The following SCARA5 variants were observed in gnomAD, a reference collection of about 807,000 sequenced individuals.
The protein encoded by SCARA5 is scavenger receptor class A member 5, also known as scavenger receptor class A, member 5 (putative).
Under a neutral mutation model 46.3 loss-of-function variants are expected in SCARA5, and 45 were observed. That is an observed-to-expected ratio of 0.97 (90% CI 0.76 to 1.24). The LOEUF (loss-of-function observed/expected upper bound fraction) is 1.24. Among genes scored for constraint, SCARA5 ranks in the 50% most tolerant of loss-of-function variants. The probability of loss-of-function intolerance (pLI) is 0.00; values close to 1 mark genes in which losing one functional copy is unlikely to be tolerated. For missense variants in SCARA5, 680 were observed against 689.0 expected (o/e 0.99, Z 0.15); for synonymous variants, 333 against 306.5 (o/e 1.09, Z -0.90).
At chr8:27,878,161 T>C (rs1340917513) in intron 8 of SCARA5, among the ~76,000 whole-genome samples, 3 of 151,990 alleles carry the variant, frequency 2.0e-5, no homozygotes, top group African/African-American at 7.3e-5. Context: ...GGTAACTGGG[T>C]GTGAGAGGAT....
chr8:27,981,431 T>C (rs148238805), intron 2 of SCARA5, among the ~76,000 whole-genome samples: 5 of 152,246 alleles, frequency 3.3e-5, no homozygotes, highest in African/African-American at 1.2e-4. Flanking sequence ...TGGTCTTTGG[T>C]GGAGGGACAG....
chr8:27,976,103 G>A (rs1019316689), intron 2 of SCARA5, among the ~76,000 whole-genome samples: 2 of 151,984 alleles, frequency 1.3e-5, no homozygotes, highest in East Asian at 3.9e-4. Flanking sequence ...CCCGGTGTGC[G>A]TCTTCTTCCG....
chr8:27,955,351 T>C (rs922693646), intron 3 of SCARA5, among the ~76,000 whole-genome samples: 2 of 152,262 alleles, frequency 1.3e-5, no homozygotes, highest in Admixed American at 1.3e-4. Context: ...ATCCCTTGGA[T>C]TGCTCCAAAA....
intron 3 of SCARA5, among the ~76,000 whole-genome samples, chr8:27,949,783 C>A (rs900203303): frequency 6.6e-6 from 1 of 152,248 alleles, no homozygotes; most frequent in Non-Finnish European, 1.5e-5. Context: ...TCCTCCCCTA[C>A]AGCCTGCCCG....
rs548041914 is a variant in SCARA5, at chr8:27,974,452, T to TA, written c.113-7911dup. Among the ~76,000 whole-genome samples, 313 of 146,798 alleles carry TA rather than the reference T, an allele frequency of 2.1e-3. 3 individuals are homozygous for TA. Among genetic ancestry groups the TA allele is most frequent in the African/African-American group, 5.4e-3 (216 of 40,114 alleles). ...TTTCCAAAGAAACTGGCTCTGAACA[T>TA]AAAAAAAAAACAGAAGGCAATGATT... is the stretch of plus-strand genomic sequence containing the variant. On this transcript the variant is annotated intron_variant, in intron 2 of 8. Transcript: ENST00000354914.
At chr8:27,904,571 A>G (rs1234134086) in intron 7 of SCARA5, 1 of 637,122 alleles carries the variant, frequency 1.6e-6, no homozygotes, top group African/African-American at 1.8e-5. Flanking sequence ...GGTTTATGAC[A>G]CCTCTAGAAA....
chr8:27,873,164 A>G (rs1238948597), intron 8 of SCARA5, among the ~76,000 whole-genome samples: 5 of 152,212 alleles, frequency 3.3e-5, no homozygotes, highest in Non-Finnish European at 4.4e-5. Context: ...TTAGAAAAGC[A>G]GACACACAAA....
intron 2 of SCARA5, among the ~76,000 whole-genome samples, chr8:27,980,847 C>T (rs564327182): frequency 2.0e-5 from 3 of 152,254 alleles, no homozygotes; most frequent in Admixed American, 6.5e-5. Flanking sequence ...GTATCTAGGC[C>T]TCATGAGAAT....
intron 3 of SCARA5, among the ~76,000 whole-genome samples, chr8:27,931,909 C>T (rs1366529129): frequency 6.6e-6 from 1 of 152,152 alleles, no homozygotes; most frequent in African/African-American, 2.4e-5. Flanking sequence ...TCGCCTCGGC[C>T]TCCCAAAGTG....
At chr8:27,918,491 G>A (rs867696235) in intron 4 of SCARA5, among the ~76,000 whole-genome samples, 12 of 80,382 alleles carry the variant, frequency 1.5e-4, no homozygotes, top group South Asian at 6.2e-4. Flanking sequence ...TTGGGTGGGC[G>A]AGGAGGAGGA....
intron 7 of SCARA5, among the ~76,000 whole-genome samples, chr8:27,892,694 C>T (rs116158637): frequency 0.021 from 3,250 of 151,366 alleles, 136 homozygotes; most frequent in African/African-American, 0.075. Flanking sequence ...ACTCAAGCCC[C>T]GCCTCCGGGG....
intron 3 of SCARA5, among the ~76,000 whole-genome samples, chr8:27,923,635 G>T (rs1807635488): frequency 6.6e-6 from 1 of 152,172 alleles, no homozygotes; most frequent in South Asian, 2.1e-4. Flanking sequence ...GAGTGCAGTG[G>T]TGCAATCTTG....
rs530636615 is a variant in SCARA5, at chr8:27,934,477, T to C, written c.242-12232A>G. Among the ~76,000 whole-genome samples, 19 of 152,272 alleles carry C rather than the reference T, an allele frequency of 1.2e-4. No individual in the cohort carries two copies. In the East Asian group the frequency reaches 3.7e-3, roughly 29 times the overall value. On this transcript the variant is annotated intron_variant, in intron 3 of 8. Coordinates refer to ENST00000354914, the MANE Select transcript of SCARA5 (RefSeq NM_173833.6). ...GTCTCTTGGAGCTCCAGGGGCATCA[T>C]GAGAAGAGATTACAGGAAATTATCA...
intron 3 of SCARA5, among the ~76,000 whole-genome samples, chr8:27,966,140 C>T (rs1808364405): frequency 2.6e-5 from 4 of 152,304 alleles, no homozygotes; most frequent in African/African-American, 9.6e-5. Flanking sequence ...GTGTAATGCA[C>T]AATGCCCCAC....
chr8:27,912,623 A>G (rs2727001), intron 4 of SCARA5, among the ~76,000 whole-genome samples: 83,374 of 152,078 alleles, frequency 0.55, 23,691 homozygotes, highest in Non-Finnish European at 0.63. Context: ...GGGAGAGGGT[A>G]CCTAGATCTC....
At position 27,871,927 on chromosome 8, in the gene SCARA5, C is replaced by T. The variant is rs780831491; in HGVS notation, c.*7G>A. 1 of 1,613,988 alleles carries T rather than the reference C, an allele frequency of 6.2e-7. No individual in the cohort carries two copies. Among genetic ancestry groups the T allele is most frequent in the Non-Finnish European group, 8.5e-7 (1 of 1,180,034 alleles). On this transcript the variant is annotated 3_prime_UTR_variant, in exon 9 of 9. Transcript: ENST00000354914. ...TGCAGGACCCCGAACTTGGGCTCTGCCCACTTTCAGTGTCTGTTGCATGTC... is the reference window on the plus strand; with the variant it reads ...TGCAGGACCCCGAACTTGGGCTCTGTCCACTTTCAGTGTCTGTTGCATGTC...
chr8:27,977,772 C>T (rs62496819), intron 2 of SCARA5, among the ~76,000 whole-genome samples: 12,683 of 152,274 alleles, frequency 0.083, 601 homozygotes, highest in Middle Eastern at 0.14. Flanking sequence ...TCACTCCTTC[C>T]GGCCTCCTTA....
chr8:27,894,338 T>G (rs1166976100), intron 7 of SCARA5, among the ~76,000 whole-genome samples: 1 of 152,172 alleles, frequency 6.6e-6, no homozygotes, highest in African/African-American at 2.4e-5. Flanking sequence ...GCTGAATGCT[T>G]AAGACAAATA....
chr8:27,982,083 C>A (rs1479640913), intron 2 of SCARA5, among the ~76,000 whole-genome samples: 1 of 152,158 alleles, frequency 6.6e-6, no homozygotes, highest in Non-Finnish European at 1.5e-5. Flanking sequence ...CAGCGAGCGG[C>A]CCGGCTGCAG....
Sources: gnomAD v4.1 joint callset for allele counts (sites outside exome capture counted in the v4.1 genomes callset) on GRCh38, gnomAD v4.1.1 for gene constraint, MANE v1.5 for transcripts, NCBI Gene and HGNC (gene_info 2026-07-23, HGNC 2026-07-21) for gene names.